The following DNAJC1 variants were observed in gnomAD, a reference collection of about 807,000 sequenced individuals.
DNAJC1 encodes the protein DnaJ heat shock protein family (Hsp40) member C1.
A neutral mutation model predicts 76.6 loss-of-function variants in DNAJC1; 58 were observed. The ratio of observed to expected loss-of-function variants is 0.76; its 90% CI spans 0.61 to 0.94. DNAJC1 has a LOEUF of 0.94. Ranked by LOEUF, DNAJC1 falls within the 40% of genes least tolerant of loss-of-function variation. The pLI is 0.00. For missense variants in DNAJC1, 689 were observed against 677.3 expected (o/e 1.02, Z -0.19); for synonymous variants, 258 against 267.9 (o/e 0.96, Z 0.36).
At chr10:21,772,485 C>T (rs887617682) in intron 9 of DNAJC1, among the ~76,000 whole-genome samples, 6 of 152,004 alleles carry the variant, frequency 3.9e-5, no homozygotes, top group Non-Finnish European at 8.8e-5. Flanking sequence ...ATTCATTTCA[C>T]TTCTATTAGA....
intron 8 of DNAJC1, among the ~76,000 whole-genome samples, chr10:21,811,419 T>A (rs1049815733): frequency 1.3e-5 from 2 of 152,194 alleles, no homozygotes; most frequent in African/African-American, 4.8e-5. Context: ...GGTTCTGGAA[T>A]CTGTCCAAAT....
intron 7 of DNAJC1, among the ~76,000 whole-genome samples, chr10:21,893,000 C>T (rs1289405313): frequency 2.0e-5 from 3 of 152,138 alleles, no homozygotes; most frequent in Non-Finnish European, 4.4e-5. Context: ...ATATACAACT[C>T]AACAATGCCA....
rs1836760451 is a variant in DNAJC1 at position 21,907,199 on chromosome 10, A to AAT, written c.730-2588_730-2587insAT. On this transcript the variant is annotated intron_variant, in intron 6 of 11. Transcript: ENST00000376980. ...TCTGAGGACTGCAATCCACCCAATC[A>AAT]CCCTAACCTACTCTACTTAATCTGA... is the stretch of plus-strand genomic sequence containing the variant. Among the ~76,000 whole-genome samples the AAT allele has an allele frequency of 5.3e-5, 8 of 151,670 alleles. No homozygotes were observed. The South Asian group carries it at 1.7e-3, about 32-fold the overall frequency.
At chr10:21,827,560 T>C (rs1342161303) in intron 8 of DNAJC1, among the ~76,000 whole-genome samples, 1 of 152,206 alleles carries the variant, frequency 6.6e-6, no homozygotes, top group African/African-American at 2.4e-5. Flanking sequence ...TCTCTCCTCG[T>C]CAGCAATCCT....
At chr10:21,812,247 C>T (rs752828176) in intron 8 of DNAJC1, among the ~76,000 whole-genome samples, 18 of 151,732 alleles carry the variant, frequency 1.2e-4, no homozygotes, top group African/African-American at 2.2e-4. Context: ...TTGGTAGAGA[C>T]GGGGTTTCAC....
intron 8 of DNAJC1, among the ~76,000 whole-genome samples, chr10:21,810,833 T>A (rs1421304056): frequency 6.6e-6 from 1 of 152,192 alleles, no homozygotes; most frequent in East Asian, 1.9e-4. Flanking sequence ...TAAGGACCCA[T>A]ACCCAATATA....
At position 21,827,875 on chromosome 10, in the gene DNAJC1, T is replaced by C. The variant is rs555890908; in HGVS notation, c.979-21776A>G. ...TTTGGACTCTTAGGTTGTTTAAAAT[T>C]TTTCACTACTAGCATGCTGCAATGA... On this transcript the variant is annotated intron_variant, in intron 8 of 11. Coordinates refer to ENST00000376980, the MANE Select transcript of DNAJC1 (RefSeq NM_022365.4). 2.0e-5 allele frequency among the ~76,000 whole-genome samples: 3 copies of C among 152,318 alleles called. No homozygotes were observed. In the East Asian group the frequency reaches 5.8e-4, roughly 29 times the overall value.
intron 1 of DNAJC1, 91 bp downstream of exon 1, chr10:22,003,122 G>C: frequency 7.3e-7 from 1 of 1,367,038 alleles, no homozygotes; most frequent in Non-Finnish European, 9.5e-7. Flanking sequence ...ACCAAGCCCT[G>C]CCCTACGTGT....
At chr10:21,765,710 T>C (rs1834292373) in intron 10 of DNAJC1, among the ~76,000 whole-genome samples, 1 of 152,026 alleles carries the variant, frequency 6.6e-6, no homozygotes, top group Non-Finnish European at 1.5e-5. Context: ...TCAGGTGCAG[T>C]GGCGGGCGCC....
intron 8 of DNAJC1, among the ~76,000 whole-genome samples, chr10:21,826,999 A>C (rs1835269145): frequency 6.6e-6 from 1 of 151,600 alleles, no homozygotes; most frequent in South Asian, 2.1e-4. Context: ...CTTGAGATTC[A>C]ATTTTGATGG....
intron 1 of DNAJC1, among the ~76,000 whole-genome samples, chr10:21,967,083 A>G (rs1354117014): frequency 6.7e-6 from 1 of 150,358 alleles, no homozygotes; most frequent in African/African-American, 2.4e-5. Context: ...TTTACACACA[A>G]TTCACCTATT....
chr10:21,956,139 C>T (rs1205136598), intron 1 of DNAJC1, among the ~76,000 whole-genome samples: 2 of 152,232 alleles, frequency 1.3e-5, no homozygotes, highest in East Asian at 1.9e-4. Flanking sequence ...AAGAGCCTTT[C>T]GCTGCATCAT....
chr10:21,920,043 T>C, intron 4 of DNAJC1, 114 bp from the exon 5 acceptor site: 1 of 625,764 alleles, frequency 1.6e-6, no homozygotes, highest in Non-Finnish European at 2.7e-6. Context: ...TGCAAATGTA[T>C]GTAGGGTCCA....
chr10:21,912,976 C>G (rs964118538), intron 6 of DNAJC1, among the ~76,000 whole-genome samples: 3 of 150,518 alleles, frequency 2.0e-5, no homozygotes, highest in Non-Finnish European at 3.0e-5. Context: ...ACTCCCTTTA[C>G]TCTTAGGCAA....
At chr10:21,881,921 G>A (rs991550819) in intron 8 of DNAJC1, among the ~76,000 whole-genome samples, 3 of 150,240 alleles carry the variant, frequency 2.0e-5, no homozygotes, top group East Asian at 2.0e-4. Flanking sequence ...TTGGGAGGCC[G>A]AGGGGGGCAG....
At chr10:21,888,961 T>A (rs1174537021) in intron 7 of DNAJC1, among the ~76,000 whole-genome samples, 1 of 152,130 alleles carries the variant, frequency 6.6e-6, no homozygotes, top group East Asian at 1.9e-4. Flanking sequence ...AACCTGAAAG[T>A]TTAAAAAATA....
At chr10:21,805,017 T>C (rs1216087666) in intron 9 of DNAJC1, among the ~76,000 whole-genome samples, 2 of 152,134 alleles carry the variant, frequency 1.3e-5, no homozygotes, top group Non-Finnish European at 2.9e-5. Flanking sequence ...AAGTTTATTA[T>C]TGAAAGTAAC....
chr10:21,923,292 A>AT (rs1183548639), intron 3 of DNAJC1, among the ~76,000 whole-genome samples: 1 of 151,958 alleles, frequency 6.6e-6, no homozygotes, highest in African/African-American at 2.4e-5. Flanking sequence ...ATTATAGTTC[A>AT]TTTTTTAGAA....
chr10:21,998,563 C>G (rs1001981487), intron 1 of DNAJC1, among the ~76,000 whole-genome samples: 3 of 152,076 alleles, frequency 2.0e-5, no homozygotes, highest in Non-Finnish European at 2.9e-5. Context: ...ACTCCTCTCT[C>G]ATCTTCCCCC....
Sources: allele counts gnomAD v4.1 joint callset (sites outside exome capture counted in the v4.1 genomes callset), GRCh38; gene constraint gnomAD v4.1.1; transcripts MANE v1.5; gene names NCBI Gene and HGNC (gene_info 2026-07-23, HGNC 2026-07-21).